Variants in XK observed in about 807,000 individuals in gnomAD.
XK encodes X-linked Kx blood group antigen, Kell and VPS13A binding protein.
Under a neutral mutation model 14.0 loss-of-function variants are expected in XK, and 2 were observed. The ratio of observed to expected loss-of-function variants is 0.14; its 90% CI spans 0.06 to 0.45. The LOEUF (loss-of-function observed/expected upper bound fraction) is 0.45, where lower values mean the gene tolerates loss of function less well. Ranked by LOEUF, XK falls within the 20% of genes least tolerant of loss-of-function variation. The pLI is 0.98. For synonymous variants in XK, 149 were observed against 147.5 expected (o/e 1.01, Z -0.08); for missense variants, 235 against 341.5 (o/e 0.69, Z 2.46).
intron 2 of XK, 79 bp from the exon 3 acceptor site, chrX:37,727,557 G>A: frequency 5.9e-6 from 5 of 850,021 alleles, no homozygotes; most frequent in Non-Finnish European, 6.9e-6. Context: ...GAATGCGGGT[G>A]GGGTGCTGAC....
chrX:37,704,146 A>G (rs1927466269), intron 2 of XK, among the ~76,000 whole-genome samples: 1 of 111,893 alleles, frequency 8.9e-6, no homozygotes, highest in South Asian at 3.8e-4. Flanking sequence ...GACGTTTTTC[A>G]TGGTGCTCTA....
At chrX:37,718,022 T>C (rs910917733) in intron 2 of XK, among the ~76,000 whole-genome samples, 12 of 111,794 alleles carry the variant, frequency 1.1e-4, no homozygotes, top group Non-Finnish European at 2.1e-4. Flanking sequence ...TAATAAACAT[T>C]TATCGAGTGC....
At chrX:37,717,589 C>G (rs942666333) in intron 2 of XK, among the ~76,000 whole-genome samples, 1 of 111,536 alleles carries the variant, frequency 9.0e-6, no homozygotes, top group African/African-American at 3.3e-5. Context: ...GAGAAAAGAA[C>G]AAAATCACTC....
rs1171547000 is a variant in XK, at chrX:37,686,180, C to A, written c.219C>A (p.His73Gln). Residue 73 changes from histidine to glutamine, a missense_variant, in exon 1 of 3, where the codon CAC (histidine) becomes CAA (glutamine). By Grantham distance (24) the His-to-Gln change is conservative. Coordinates refer to ENST00000378616, the MANE Select transcript of XK (RefSeq NM_021083.4). The part of the protein sequence containing the change: ...SRDRPLVLLL[H>Q]LLQLGPLFRC... ...ACCGCCCGCTCGTACTGCTGCTGCACCTGCTGCAACTTGGGCCCCTTTTCA... is the reference window on the plus strand; with the variant it reads ...ACCGCCCGCTCGTACTGCTGCTGCAACTGCTGCAACTTGGGCCCCTTTTCA... 4.6e-5 allele frequency: 56 copies of A among 1,207,800 alleles called. No homozygotes were observed. The highest frequency in any genetic ancestry group is 6.3e-5 in the Non-Finnish European group (56 of 894,490).
At chrX:37,708,575 C>T (rs1303485403) in intron 2 of XK, among the ~76,000 whole-genome samples, 1 of 112,294 alleles carries the variant, frequency 8.9e-6, no homozygotes, top group South Asian at 3.7e-4. Context: ...AACAAATTTA[C>T]GCCAAAAGTA....
chrX:37,720,523 C>CT (rs2146830342), intron 2 of XK, among the ~76,000 whole-genome samples: 1 of 110,075 alleles, frequency 9.1e-6, no homozygotes, highest in African/African-American at 3.3e-5. Context: ...TTTTCTTTTC[C>CT]TTTTTTCTAT....
intron 2 of XK, among the ~76,000 whole-genome samples, chrX:37,726,501 T>C (rs1927977784): frequency 9.0e-6 from 1 of 111,402 alleles, no homozygotes; most frequent in Non-Finnish European, 1.9e-5. Context: ...CCATCCTTCC[T>C]TGTGCCAGTA....
Position 37,694,373 on chromosome X carries a change from A to G in XK, c.333A>G (p.Lys111=). Residue 111 remains lysine (K), a synonymous_variant, in exon 2 of 3, where the codon AAA becomes AAG. Coordinates refer to ENST00000378616, the MANE Select transcript of XK (RefSeq NM_021083.4). ...TCACCAAGAAGAGGCAAATGCCAAA[A>G]AATGGCCTCTCAGAGGAGATTGAGA... ...VSITKKRQMP[K]NGLSEEIEKE... 1 of 1,209,262 alleles carries G rather than the reference A, an allele frequency of 8.3e-7. No homozygotes were observed.
At chrX:37,706,112 A>C (rs2146821325) in intron 2 of XK, among the ~76,000 whole-genome samples, 1 of 111,632 alleles carries the variant, frequency 9.0e-6, no homozygotes, top group South Asian at 3.7e-4. Context: ...GAAATCTCAA[A>C]GATAAGTCTA....
At chrX:37,702,967 A>G (rs28998771) in intron 2 of XK, among the ~76,000 whole-genome samples, 47 of 112,161 alleles carry the variant, frequency 4.2e-4, no homozygotes, top group African/African-American at 1.3e-3. Context: ...TGAGTTTAAC[A>G]ACTGCACTGG....
rs1928014288 is a variant in XK at position 37,728,115 on chromosome X, A to G, written c.988A>G (p.Ile330Val). ...CATGATAAGATTCATCGAGAATGCC[A>G]TCCTCCTCCTCCTGTGGTATCTTTT... ...YYMIRFIENA[I>V]LLLLWYLFKT... The change falls in exon 3 of 3, where the codon ATC becomes GTC. Residue 330 changes from isoleucine (I) to valine (V), a missense_variant. By Grantham distance (29) the Ile-to-Val change is conservative. Transcript: ENST00000378616. The G allele has an allele frequency of 3.3e-6, 4 of 1,209,433 alleles. No homozygotes were observed. Among genetic ancestry groups the G allele is most frequent in the African/African-American group, 1.8e-5 (1 of 57,024 alleles).
At chrX:37,692,091 C>T (rs1324867659) in intron 1 of XK, among the ~76,000 whole-genome samples, 9 of 111,874 alleles carry the variant, frequency 8.0e-5, no homozygotes, top group African/African-American at 2.6e-4. Flanking sequence ...TTTAATTATT[C>T]TTTCATTTTT....
rs782603693 is a variant in XK at position 37,731,673 on chromosome X, G to T, written c.*3211G>T. ...GGATATGCGAATCTTTGGTCTTCTCGACAGGTGCCCTTTCTCTTACCACTA... is the reference window on the plus strand; with the variant it reads ...GGATATGCGAATCTTTGGTCTTCTCTACAGGTGCCCTTTCTCTTACCACTA... On this transcript the variant is annotated 3_prime_UTR_variant, in exon 3 of 3. Coordinates refer to ENST00000378616, the MANE Select transcript of XK (RefSeq NM_021083.4). 4.5e-5 allele frequency: 5 copies of T among 111,538 alleles called. No individual in the cohort carries two copies. The highest frequency in any genetic ancestry group is 3.8e-4 in the Admixed American group (4 of 10,507). 9.2% of individuals were successfully genotyped at this position (111,538 alleles called of 1,213,427 possible).
intron 1 of XK, among the ~76,000 whole-genome samples, chrX:37,687,651 C>A (rs1465829216): frequency 9.1e-6 from 1 of 110,062 alleles, no homozygotes; most frequent in Non-Finnish European, 1.9e-5. Context: ...TGAGCTACCA[C>A]GCCTGGCCAT....
intron 2 of XK, among the ~76,000 whole-genome samples, chrX:37,698,598 T>G (rs1315410376): frequency 2.1e-5 from 2 of 97,007 alleles, no homozygotes; most frequent in Non-Finnish European, 4.1e-5. Context: ...TATAGTCAGA[T>G]AGAGGAGCCA....
chrX:37,699,998 C>A (rs1556443400), intron 2 of XK, among the ~76,000 whole-genome samples: 1 of 111,255 alleles, frequency 9.0e-6, no homozygotes, highest in African/African-American at 3.3e-5. Context: ...CAAAAAGGAG[C>A]CTTAGAAAGG....
intron 2 of XK, among the ~76,000 whole-genome samples, chrX:37,711,234 A>G (rs913275360): frequency 2.7e-5 from 3 of 112,517 alleles, no homozygotes; most frequent in Non-Finnish European, 5.6e-5. Context: ...CTGGAGAGCT[A>G]CATAGGCTGA....
intron 2 of XK, among the ~76,000 whole-genome samples, chrX:37,697,965 G>A (rs1265523687): frequency 1.8e-5 from 2 of 112,077 alleles, no homozygotes; most frequent in African/African-American, 6.5e-5. Context: ...CGGACACTGT[G>A]TCTGTGAGCT....
At chrX:37,710,099 G>A (rs782027576) in intron 2 of XK, among the ~76,000 whole-genome samples, 2 of 112,494 alleles carry the variant, frequency 1.8e-5, no homozygotes, top group East Asian at 5.6e-4. Context: ...CTAGATTTCT[G>A]TAAACCATGG....
Sources: allele counts gnomAD v4.1 joint callset (sites outside exome capture counted in the v4.1 genomes callset), GRCh38; gene constraint gnomAD v4.1.1; transcripts MANE v1.5; gene names NCBI Gene and HGNC (gene_info 2026-07-23, HGNC 2026-07-21).